Variants in WDR70 observed in about 807,000 individuals in gnomAD.
WDR70 encodes WD repeat-containing protein 70.
Under a neutral mutation model 88.6 loss-of-function variants are expected in WDR70, and 53 were observed. That is an observed-to-expected ratio of 0.60 (90% CI 0.48 to 0.75). WDR70 has a LOEUF of 0.75. Ranked by LOEUF, WDR70 falls within the 30% of genes least tolerant of loss-of-function variation. The pLI, the probability that WDR70 is intolerant of heterozygous loss-of-function variation, is 0.00. For synonymous variants in WDR70, 280 were observed against 270.0 expected, an observed-to-expected ratio of 1.04 and a Z score of -0.36; for missense variants, 610 against 823.2, an observed-to-expected ratio of 0.74 and a Z score of 3.17.
intron 5 of WDR70, among the ~76,000 whole-genome samples, chr5:37,424,829 A>G (rs1750071639): frequency 6.6e-6 from 1 of 152,242 alleles, no homozygotes; most frequent in South Asian, 2.1e-4. Context: ...TTGTCAAAAA[A>G]GTATTTTTTT....
intron 8 of WDR70, among the ~76,000 whole-genome samples, chr5:37,515,116 A>G (rs928814521): frequency 1.3e-5 from 2 of 152,186 alleles, no homozygotes; most frequent in African/African-American, 4.8e-5. Context: ...TTGTGAGAGA[A>G]TAAGTGATAG....
chr5:37,434,733 T>G (rs908231939), intron 5 of WDR70, among the ~76,000 whole-genome samples: 5 of 152,196 alleles, frequency 3.3e-5, no homozygotes, highest in Non-Finnish European at 7.3e-5. Context: ...AAATAATCCT[T>G]TGGTTGGTTT....
intron 8 of WDR70, chr5:37,505,713 A>G (rs1740539173): frequency 1.9e-6 from 2 of 1,067,782 alleles, no homozygotes; most frequent in Non-Finnish European, 2.9e-6. Context: ...CGACATGTAT[A>G]GTGGTGTCAG....
rs145601725 is a variant in WDR70 at position 37,532,548 on chromosome 5, A to G, written c.917+15958A>G. On this transcript the variant is annotated intron_variant, in intron 9 of 17. Transcript: ENST00000265107. ...TTCTTTCTTCTGCTTGTTCAGTTCT[A>G]TTGCTGAGACTTTCCAGTGTATTTT... Among the ~76,000 whole-genome samples the G allele has an allele frequency of 1.1e-3, 160 of 151,878 alleles. 5 individuals are homozygous for G. The East Asian group carries it at 0.025, about 23-fold the overall frequency.
chr5:37,663,444 C>T (rs72740991), intron 10 of WDR70, among the ~76,000 whole-genome samples: 7,202 of 152,162 alleles, frequency 0.047, 206 homozygotes, highest in Middle Eastern at 0.13. Flanking sequence ...TAAGTCCGAC[C>T]TGAAAAAAAG....
chr5:37,504,187 TTTC>T (rs1478430089), intron 8 of WDR70, among the ~76,000 whole-genome samples: 4 of 152,146 alleles, frequency 2.6e-5, no homozygotes, highest in African/African-American at 9.7e-5. Flanking sequence ...AAAACTGACC[TTTC>T]TTTATTAAAT....
At chr5:37,389,756 C>T (rs1748755359) in intron 3 of WDR70, among the ~76,000 whole-genome samples, 1 of 152,028 alleles carries the variant, frequency 6.6e-6, no homozygotes, top group Non-Finnish European at 1.5e-5. Flanking sequence ...AAATTTTTTC[C>T]AGTTTCTAGC....
chr5:37,741,707 G>T (rs540429108), intron 17 of WDR70, among the ~76,000 whole-genome samples: 12 of 152,262 alleles, frequency 7.9e-5, no homozygotes, highest in Non-Finnish European at 1.5e-4. Context: ...TTCCTAACAG[G>T]CCATGGACCA....
chr5:37,718,376 T>C lies in WDR70; in HGVS notation c.1417-2739T>C, dbSNP rs149233203. On this transcript the variant is annotated intron_variant, in intron 13 of 17. Transcript: ENST00000265107. ...TGTCTTGGAATTTATCAGGCCTACA[T>C]TGTGGATCTTTTCCAATTCTGCACC... 4.2e-4 allele frequency among the ~76,000 whole-genome samples: 64 copies of C among 152,252 alleles called. 1 individual carries two copies. The East Asian group carries it at 0.012, about 29-fold the overall frequency.
chr5:37,517,368 A>C (rs1740919880), intron 9 of WDR70, among the ~76,000 whole-genome samples: 1 of 106,606 alleles, frequency 9.4e-6, no homozygotes, highest in Non-Finnish European at 2.3e-5. Flanking sequence ...TTGGTTATTA[A>C]ATTTTTTTTT....
At chr5:37,385,497 TA>T (rs1748579860) in intron 3 of WDR70, among the ~76,000 whole-genome samples, 1 of 71,544 alleles carries the variant, frequency 1.4e-5, no homozygotes, top group African/African-American at 5.9e-5. Flanking sequence ...ACAGCCTGAG[TA>T]AAAAAGCGAG....
chr5:37,625,040 C>T (rs1744624778), intron 10 of WDR70, among the ~76,000 whole-genome samples: 1 of 152,134 alleles, frequency 6.6e-6, no homozygotes. Context: ...TTCTACGACC[C>T]ACCTTGGGGA....
intron 10 of WDR70, among the ~76,000 whole-genome samples, chr5:37,673,124 C>T (rs2112597438): frequency 6.6e-6 from 1 of 152,232 alleles, no homozygotes; most frequent in African/African-American, 2.4e-5. Flanking sequence ...CATCATTTAG[C>T]TCCCACTTAT....
At chr5:37,655,779 A>G (rs1397710308) in intron 10 of WDR70, among the ~76,000 whole-genome samples, 1 of 151,602 alleles carries the variant, frequency 6.6e-6, no homozygotes, top group African/African-American at 2.4e-5. Flanking sequence ...TGTGTTTTTC[A>G]GCTCCATCAG....
intron 9 of WDR70, among the ~76,000 whole-genome samples, chr5:37,517,513 A>G (rs1740925130): frequency 2.0e-5 from 3 of 152,112 alleles, no homozygotes; most frequent in Admixed American, 1.3e-4. Context: ...AATTACAGGC[A>G]TGCATCACCA....
intron 10 of WDR70, among the ~76,000 whole-genome samples, chr5:37,659,985 A>G (rs750133285): frequency 6.6e-6 from 1 of 152,186 alleles, no homozygotes; most frequent in African/African-American, 2.4e-5. Context: ...CAGTGAGTAA[A>G]TATTTATGTC....
chr5:37,524,254 G>A (rs1341192798), intron 9 of WDR70, among the ~76,000 whole-genome samples: 2 of 152,184 alleles, frequency 1.3e-5, no homozygotes, highest in Non-Finnish European at 2.9e-5. Flanking sequence ...CTCACAAAGG[G>A]AAGCCCATCA....
Position 37,499,597 on chromosome 5 carries a change from C to CTCTCTA in WDR70, c.841-16912_841-16911insATCTCT, listed in dbSNP as rs1740340332. Among the ~76,000 whole-genome samples, 2 of 50,296 alleles carry CTCTCTA rather than the reference C, an allele frequency of 4.0e-5. 1 individual carries two copies. Among genetic ancestry groups the CTCTCTA allele is most frequent in the Non-Finnish European group, 1.4e-4 (2 of 14,240 alleles). The allele number at this position is 50,296 out of a possible 152,430, so 33.0% of individuals were successfully genotyped here. A position where few individuals can be genotyped will look rare whatever the true frequency, so the allele number is the denominator to read the frequency against. On this transcript the variant is annotated intron_variant, in intron 8 of 17. Transcript: ENST00000265107. Reference sequence around the variant, plus strand: ...TGTGATTTGGAAATATTCTCTCTCTCTCTCTCTCTCTCTCTCTCTCTCTCT... The same window carrying CTCTCTA: ...TGTGATTTGGAAATATTCTCTCTCTCTCTCTATCTCTCTCTCTCTCTCTCTCTCTCT...
chr5:37,505,731 TCAAA>T, intron 8 of WDR70: 2 of 1,273,742 alleles, frequency 1.6e-6, no homozygotes, highest in Non-Finnish European at 2.3e-6. Context: ...CAGCATCTCT[TCAAA>T]TATAGCTCCC....
Sources: allele counts gnomAD v4.1 joint callset (sites outside exome capture counted in the v4.1 genomes callset), GRCh38; gene constraint gnomAD v4.1.1; transcripts MANE v1.5; gene names NCBI Gene and HGNC (gene_info 2026-07-23, HGNC 2026-07-21).